SAMD4A: variants seen among roughly 807,000 people sequenced by gnomAD.
SAMD4A encodes sterile alpha motif domain containing 4A.
A neutral mutation model predicts 81.3 loss-of-function variants in SAMD4A; 33 were observed. The ratio of observed to expected loss-of-function variants is 0.41; its 90% CI spans 0.31 to 0.54. The LOEUF (loss-of-function observed/expected upper bound fraction) is 0.54, where lower values mean the gene tolerates loss of function less well. SAMD4A is among the 20% of genes least tolerant of loss of function. The pLI is 0.37. For synonymous variants in SAMD4A, 389 were observed against 382.1 expected, an observed-to-expected ratio of 1.02 and a Z score of -0.21; for missense variants, 854 against 951.1, an observed-to-expected ratio of 0.90 and a Z score of 1.34.
chr14:54,696,932 G>C (rs2036592132), intron 2 of SAMD4A: 1 of 152,238 alleles, frequency 6.6e-6, no homozygotes, highest in Non-Finnish European at 1.5e-5. Flanking sequence ...GTTTTCCACT[G>C]TGTCCTGAAT....
chr14:54,684,606 A>T (rs978588919), intron 2 of SAMD4A, among the ~76,000 whole-genome samples: 2 of 68,758 alleles, frequency 2.9e-5, no homozygotes, highest in South Asian at 5.3e-4. Context: ...TTGGCCAGAC[A>T]CCCCCGCCCC....
intron 3 of SAMD4A, among the ~76,000 whole-genome samples, chr14:54,724,000 G>A (rs2037331278): frequency 9.1e-6 from 1 of 110,248 alleles, no homozygotes; most frequent in African/African-American, 3.2e-5. Context: ...TTGGATGGAT[G>A]GATGGATGGA....
chr14:54,754,936 C>T (rs926770293), intron 6 of SAMD4A: 3 of 731,120 alleles, frequency 4.1e-6, no homozygotes, highest in South Asian at 1.2e-4. Context: ...GAGCTGGGGA[C>T]GTGCATTGGG....
At position 54,775,053 on chromosome 14, in the gene SAMD4A, G is replaced by C; in HGVS notation, c.1835G>C (p.Gly612Ala). 1 of 1,614,176 alleles carries C rather than the reference G, an allele frequency of 6.2e-7. No individual in the cohort carries two copies. The highest frequency in any genetic ancestry group is 1.1e-5 in the South Asian group (1 of 91,082). Residue 612 changes from glycine to alanine, a missense_variant, in exon 10 of 13, where the codon GGC becomes GCC. Gly to Ala is a moderately conservative substitution (Grantham distance 60). This residue lies in a region of SAMD4A where 428 missense variants were observed against 471.2 expected (regional missense o/e 0.91). Coordinates refer to ENST00000554335, the MANE Select transcript of SAMD4A (RefSeq NM_015589.6). ...PSRNVPSARLGLLGTSGFVSS... is the reference protein window; with the variant it reads ...PSRNVPSARLALLGTSGFVSS... ...CGGAACGTCCCTTCCGCCCGCCTGG[G>C]CCTCTTGGGCACCAGTGGATTCGTC...
chr14:54,580,176 T>C (rs1434919259), intron 2 of SAMD4A, among the ~76,000 whole-genome samples: 3 of 152,148 alleles, frequency 2.0e-5, no homozygotes, highest in Admixed American at 1.3e-4. Flanking sequence ...TCCAGTCGCT[T>C]CCCGACTTTG....
At chr14:54,768,362 T>C (rs1260416807) in intron 8 of SAMD4A, among the ~76,000 whole-genome samples, 6 of 152,216 alleles carry the variant, frequency 3.9e-5, no homozygotes, top group Non-Finnish European at 8.8e-5. Context: ...TGTTCATGTG[T>C]TATTTCATTC....
intron 4 of SAMD4A, among the ~76,000 whole-genome samples, chr14:54,741,975 A>G (rs2037854269): frequency 6.6e-6 from 1 of 152,140 alleles, no homozygotes; most frequent in Admixed American, 6.5e-5. Flanking sequence ...TATTGAAGGA[A>G]CTTCTGCAGC....
At chr14:54,739,082 T>C (rs2037781603) in intron 4 of SAMD4A, among the ~76,000 whole-genome samples, 1 of 120,078 alleles carries the variant, frequency 8.3e-6, no homozygotes, top group Non-Finnish European at 1.7e-5. Flanking sequence ...TTTGAGGCCC[T>C]TATGCACACT....
chr14:54,570,356 G>A (rs1010136273), intron 2 of SAMD4A, among the ~76,000 whole-genome samples: 8 of 152,168 alleles, frequency 5.3e-5, no homozygotes, highest in African/African-American at 1.7e-4. Flanking sequence ...AGTCCACTTC[G>A]CAACCAGAGT....
intron 2 of SAMD4A, among the ~76,000 whole-genome samples, chr14:54,686,206 G>T (rs1161213187): frequency 6.6e-6 from 1 of 152,190 alleles, no homozygotes; most frequent in Non-Finnish European, 1.5e-5. Context: ...TGAGGATGGG[G>T]AGTGCTGGGT....
At chr14:54,771,524 C>T (rs1008345743) in intron 9 of SAMD4A, among the ~76,000 whole-genome samples, 3 of 152,134 alleles carry the variant, frequency 2.0e-5, no homozygotes, top group African/African-American at 7.2e-5. Context: ...TTCCCTGGCC[C>T]CAAGCCCTCT....
chr14:54,614,764 G>A (rs545592763), intron 2 of SAMD4A, among the ~76,000 whole-genome samples: 1 of 152,164 alleles, frequency 6.6e-6, no homozygotes, highest in East Asian at 1.9e-4. Flanking sequence ...TAAAATAAAG[G>A]CCAAAGTACC....
chr14:54,702,494 T>G lies in SAMD4A; in HGVS notation c.629T>G (p.Met210Arg), dbSNP rs1277891626. ...GCCTCCAACTGGCAGGACAAAAGCA[T>G]GGGGTGTGAGAATGGCCATGTGCCC... The part of the protein sequence containing the change: ...INASNWQDKS[M>R]GCENGHVPLY... The change falls in exon 3 of 13, where the codon ATG becomes AGG. Residue 210 changes from methionine (M) to arginine (R), a missense_variant. Physicochemically the swap from Met to Arg is moderately conservative, Grantham distance 91. Transcript: ENST00000554335. 1 of 1,614,178 alleles carries G rather than the reference T, an allele frequency of 6.2e-7. No individual in the cohort carries two copies. The highest frequency in any genetic ancestry group is 1.7e-5 in the Admixed American group (1 of 60,012).
At chr14:54,648,006 T>G (rs1337873430) in intron 2 of SAMD4A, among the ~76,000 whole-genome samples, 5 of 152,258 alleles carry the variant, frequency 3.3e-5, no homozygotes, top group Non-Finnish European at 7.3e-5. Context: ...ACCAGCCACA[T>G]GTGGCCCTTG....
chr14:54,756,028 A>G (rs2038229776), intron 6 of SAMD4A, among the ~76,000 whole-genome samples: 1 of 152,192 alleles, frequency 6.6e-6, no homozygotes, highest in African/African-American at 2.4e-5. Flanking sequence ...AAACACATCC[A>G]GATCTTGTCC....
intron 3 of SAMD4A, among the ~76,000 whole-genome samples, chr14:54,713,512 C>T (rs1231205580): frequency 6.6e-6 from 1 of 152,176 alleles, no homozygotes; most frequent in Admixed American, 6.5e-5. Flanking sequence ...AAACTCCCAA[C>T]ATACTCCAGG....
chr14:54,673,396 A>G (rs2035926831), intron 2 of SAMD4A, among the ~76,000 whole-genome samples: 1 of 152,244 alleles, frequency 6.6e-6, no homozygotes, highest in African/African-American at 2.4e-5. Context: ...GTGCTTCCAA[A>G]GTTAGAAAAC....
intron 2 of SAMD4A, among the ~76,000 whole-genome samples, chr14:54,628,153 G>GT (rs2034809915): frequency 6.6e-6 from 1 of 152,082 alleles, no homozygotes; most frequent in South Asian, 2.1e-4. Context: ...CCACAACCCT[G>GT]TAAGAGTAAC....
chr14:54,667,527 C>T (rs1039396741), intron 2 of SAMD4A, among the ~76,000 whole-genome samples: 44 of 152,086 alleles, frequency 2.9e-4, no homozygotes, highest in African/African-American at 1.0e-3. Context: ...GTCCAGTTAC[C>T]CTGGGTCATC....
Sources: gnomAD v4.1 joint callset for allele counts (sites outside exome capture counted in the v4.1 genomes callset) on GRCh38, gnomAD v4.1.1 for gene constraint, gnomAD v4.1.1 regional missense constraint, MANE v1.5 for transcripts, NCBI Gene and HGNC (gene_info 2026-07-23, HGNC 2026-07-21) for gene names.